The following KLF3 variants were observed in gnomAD, a reference collection of about 807,000 sequenced individuals.
KLF3 encodes the protein Krueppel-like factor 3.
In KLF3, 6 loss-of-function variants were observed where a neutral mutation model predicts 32.7. The observed-to-expected ratio is 0.18, with a 90% confidence interval of 0.10 to 0.36. The LOEUF is 0.36. Among genes scored for constraint, KLF3 ranks in the 10% least tolerant of loss-of-function variants. The probability of loss-of-function intolerance (pLI) is 1.00; values close to 1 mark genes in which losing one functional copy is unlikely to be tolerated. For missense variants in KLF3, 338 were observed against 449.7 expected, an observed-to-expected ratio of 0.75 and a Z score of 2.25; for synonymous variants, 145 against 172.8, an observed-to-expected ratio of 0.84 and a Z score of 1.26.
In KLF3 at chr4:38,689,808, A is replaced by T; in HGVS notation, c.624A>T (p.Thr208=). Residue 208 remains threonine (T), a synonymous_variant, in exon 4 of 6, where the codon ACA becomes ACT. Coordinates refer to ENST00000261438, the MANE Select transcript of KLF3 (RefSeq NM_016531.6). The part of the protein sequence containing the change: ...KIEPGIEPQR[T]DYYPEEMSPP... The stretch of plus-strand genomic sequence containing the variant: ...AACCTGGGATCGAACCACAGAGGAC[A>T]GATTATTATCCTGAAGAAATGTCAC... 1 of 1,613,504 alleles carries T rather than the reference A, an allele frequency of 6.2e-7. No homozygotes were observed.
intron 1 of KLF3, among the ~76,000 whole-genome samples, chr4:38,670,479 T>A (rs926085265): frequency 6.6e-6 from 1 of 151,896 alleles, no homozygotes; most frequent in African/African-American, 2.4e-5. Context: ...AAGTGTGGGG[T>A]TTTTTCTCTG....
Position 38,699,676 on chromosome 4 carries a change from C to G in KLF3, c.*2413C>G, listed in dbSNP as rs1378827729. On this transcript the variant is annotated 3_prime_UTR_variant, in exon 6 of 6. Transcript: ENST00000261438. ...TGCAAAGACTCTTAACATTACTGTT[C>G]AGCTTGCTTAGATTGTGTTAACAGT... is the stretch of plus-strand genomic sequence containing the variant. 1 of 152,202 alleles carries G rather than the reference C, an allele frequency of 6.6e-6. No individual in the cohort carries two copies. Among genetic ancestry groups the G allele is most frequent in the African/African-American group, 2.4e-5 (1 of 41,444 alleles). 9.4% of individuals were successfully genotyped at this position (152,202 alleles called of 1,614,324 possible).
At chr4:38,696,205 A>G (rs970571524) in intron 5 of KLF3, among the ~76,000 whole-genome samples, 8 of 151,614 alleles carry the variant, frequency 5.3e-5, no homozygotes, top group Admixed American at 1.3e-4. Context: ...AAAAAAAAAA[A>G]AAACGCCTCT....
intron 1 of KLF3, among the ~76,000 whole-genome samples, chr4:38,677,392 C>T (rs1722386227): frequency 6.6e-6 from 1 of 152,130 alleles, no homozygotes; most frequent in African/African-American, 2.4e-5. Flanking sequence ...AAAGATGTAG[C>T]ACATTAATGT....
intron 4 of KLF3, among the ~76,000 whole-genome samples, chr4:38,694,363 G>A (rs1383591140): frequency 6.6e-6 from 1 of 152,110 alleles, no homozygotes; most frequent in African/African-American, 2.4e-5. Flanking sequence ...TCTATAAGTA[G>A]GCAGAAGTTG....
At position 38,700,746 on chromosome 4, in the gene KLF3, G is replaced by A. The variant is rs1723174260; in HGVS notation, c.*3483G>A. The A allele has an allele frequency of 6.6e-6, 1 of 152,110 alleles. No homozygotes were observed. 9.4% of individuals were successfully genotyped at this position (152,110 alleles called of 1,614,324 possible). A position where few individuals can be genotyped will look rare whatever the true frequency, so the allele number is the denominator to read the frequency against. The stretch of plus-strand genomic sequence containing the variant: ...CTTTAATACTTGTATAAACTATGCA[G>A]AAATTTTTAATAAAGTGTAATATAT... On this transcript the variant is annotated 3_prime_UTR_variant, in exon 6 of 6. Coordinates refer to ENST00000261438, the MANE Select transcript of KLF3 (RefSeq NM_016531.6).
intron 1 of KLF3, among the ~76,000 whole-genome samples, chr4:38,666,387 TC>T (rs1299294079): frequency 6.6e-6 from 1 of 151,864 alleles, no homozygotes; most frequent in Admixed American, 6.6e-5. Context: ...CCTTTTTTTT[TC>T]TTTTTTTTTT....
chr4:38,679,781 AC>A (rs1251937894), intron 1 of KLF3, among the ~76,000 whole-genome samples: 1 of 152,218 alleles, frequency 6.6e-6, no homozygotes, highest in East Asian at 1.9e-4. Flanking sequence ...GGTACTAAAT[AC>A]CATGTACACT....
At chr4:38,686,709 A>G (rs1722710313) in intron 2 of KLF3, among the ~76,000 whole-genome samples, 1 of 152,134 alleles carries the variant, frequency 6.6e-6, no homozygotes, top group South Asian at 2.1e-4. Flanking sequence ...CAGGGACAAG[A>G]AGGGATTTCC....
intron 2 of KLF3, among the ~76,000 whole-genome samples, chr4:38,681,701 C>T (rs1027650892): frequency 4.6e-5 from 7 of 152,216 alleles, no homozygotes; most frequent in Non-Finnish European, 7.3e-5. Flanking sequence ...GCAATGCTCC[C>T]ACTCTGTCTT....
In KLF3 at chr4:38,688,881, C is replaced by T. The variant is rs1208812123; in HGVS notation, c.354C>T (p.Gly118=). The change falls in exon 3 of 6, where the codon GGC becomes GGT. Residue 118 remains glycine (G), a synonymous_variant. Coordinates refer to ENST00000261438, the MANE Select transcript of KLF3 (RefSeq NM_016531.6). The surrounding 1 kb of genome is among the most constrained non-coding windows in gnomAD (Gnocchi z 4.9). ...SPPSPGVQPF[G]VPLSMPPVMA... ...CTTCTCCAGGCGTGCAGCCCTTCGG[C>T]GTGCCGCTGTCCATGCCACCAGTGA... 2 of 1,614,238 alleles carry T rather than the reference C, an allele frequency of 1.2e-6. No individual in the cohort carries two copies. The highest frequency in any genetic ancestry group is 1.3e-5 in the African/African-American group (1 of 75,058).
intron 4 of KLF3, among the ~76,000 whole-genome samples, chr4:38,692,585 A>ATTCC (rs1298792285): frequency 2.0e-5 from 3 of 152,202 alleles, no homozygotes; most frequent in African/African-American, 7.2e-5. Flanking sequence ...GTTTACAGAG[A>ATTCC]GGAAACTAAG....
rs1484292542 is a variant in KLF3, at chr4:38,701,109, C to G, written c.*3846C>G. 1 of 152,106 alleles carries G rather than the reference C, an allele frequency of 6.6e-6. No individual in the cohort carries two copies. The highest frequency in any genetic ancestry group is 2.4e-5 in the African/African-American group (1 of 41,406). The allele number at this position is 152,106 out of a possible 1,614,324, so 9.4% of individuals were successfully genotyped here. On this transcript the variant is annotated 3_prime_UTR_variant, in exon 6 of 6. Transcript: ENST00000261438. The stretch of plus-strand genomic sequence containing the variant: ...AAAACTTACAGAGCAATGTAAGAAC[C>G]CTTGCTTAGAACATTACTTACTCTG...
At position 38,699,862 on chromosome 4, in the gene KLF3, T is replaced by A. The variant is rs2109261028; in HGVS notation, c.*2599T>A. 1 of 152,366 alleles carries A rather than the reference T, an allele frequency of 6.6e-6. No homozygotes were observed. The highest frequency in any genetic ancestry group is 1.5e-5 in the Non-Finnish European group (1 of 68,042). The allele number at this position is 152,366 out of a possible 1,614,324, so 9.4% of individuals were successfully genotyped here. ...ACTATGATAGTTGAGAAATTTAGCCTCTTAGTCATTTTTAGCTGTTATTGT... is the reference window on the plus strand; with the variant it reads ...ACTATGATAGTTGAGAAATTTAGCCACTTAGTCATTTTTAGCTGTTATTGT... On this transcript the variant is annotated 3_prime_UTR_variant, in exon 6 of 6. Coordinates refer to ENST00000261438, the MANE Select transcript of KLF3 (RefSeq NM_016531.6).
intron 1 of KLF3, among the ~76,000 whole-genome samples, chr4:38,678,412 C>A (rs1018448007): frequency 6.6e-6 from 1 of 152,138 alleles, no homozygotes; most frequent in African/African-American, 2.4e-5. Context: ...CTGGCTGTTG[C>A]GGTTAGTTCT....
At chr4:38,666,543 A>G (rs1168399763) in intron 1 of KLF3, among the ~76,000 whole-genome samples, 1 of 152,226 alleles carries the variant, frequency 6.6e-6, no homozygotes, top group Non-Finnish European at 1.5e-5. Flanking sequence ...AAATAACCCA[A>G]AGGGAAAATA....
At chr4:38,680,740 T>C in intron 2 of KLF3, 58 bp downstream of exon 2, 1 of 1,339,092 alleles carries the variant, frequency 7.5e-7, no homozygotes, top group South Asian at 1.2e-5. Context: ...GATAACATTA[T>C]TGTGTGTTGA....
At chr4:38,693,644 C>A (rs1419954746) in intron 4 of KLF3, among the ~76,000 whole-genome samples, 7 of 151,916 alleles carry the variant, frequency 4.6e-5, no homozygotes, top group African/African-American at 1.7e-4. Flanking sequence ...TTATATGGAA[C>A]ATTTTAGGAG....
intron 1 of KLF3, among the ~76,000 whole-genome samples, chr4:38,673,659 T>TGGGTGTGGGTAG (rs1722263381): frequency 6.6e-6 from 1 of 152,064 alleles, no homozygotes; most frequent in South Asian, 2.1e-4. Flanking sequence ...ACTTAGAGGG[T>TGGGTGTGGGTAG]AGCATAGGTG....
Sources: gnomAD v4.1 joint callset for allele counts (sites outside exome capture counted in the v4.1 genomes callset) on GRCh38, gnomAD v4.1.1 for gene constraint, Gnocchi (gnomAD v3.1) non-coding constraint, MANE v1.5 for transcripts, NCBI Gene and HGNC (gene_info 2026-07-23, HGNC 2026-07-21) for gene names.